The following PLG variants were observed in gnomAD, a reference collection of about 807,000 sequenced individuals.
PLG encodes the protein plasminogen.
In PLG, 41 loss-of-function variants were observed where a neutral mutation model predicts 104.4. The observed-to-expected ratio is 0.39, with a 90% CI of 0.31 to 0.51. The LOEUF (loss-of-function observed/expected upper bound fraction) is 0.51. Ranked by LOEUF, PLG falls within the 20% of genes least tolerant of loss-of-function variation. The probability of loss-of-function intolerance (pLI) is 0.76; values close to 1 mark genes in which losing one functional copy is unlikely to be tolerated. For missense variants in PLG, 891 were observed against 1,003.6 expected, an observed-to-expected ratio of 0.89 and a Z score of 1.52; for synonymous variants, 337 against 357.1, an observed-to-expected ratio of 0.94 and a Z score of 0.63.
intron 1 of PLG, among the ~76,000 whole-genome samples, chr6:160,703,558 G>A (rs1056161533): frequency 6.6e-5 from 10 of 152,138 alleles, no homozygotes; most frequent in Admixed American, 3.3e-4. Context: ...AATAATGTAC[G>A]CTTGAAATTC....
At chr6:160,707,861 C>T (rs1777559871) in intron 3 of PLG, 55 bp downstream of exon 3, 5 of 1,162,424 alleles carry the variant, frequency 4.3e-6, no homozygotes, top group Non-Finnish European at 6.5e-6. Context: ...TCCCACTCTT[C>T]CTCTTTCTCT....
Position 160,726,102 on chromosome 6 carries a change from G to C in PLG, c.1256+3535G>C, listed in dbSNP as rs1778890355. On this transcript the variant is annotated intron_variant, in intron 10 of 18. Coordinates refer to ENST00000308192, the MANE Select transcript of PLG (RefSeq NM_000301.5). The surrounding 1 kb of genome is among the most constrained non-coding windows in gnomAD (Gnocchi z 4.4). ...TCAGAAAGAATATATATGTTTTAAA[G>C]GAAATTGTCAACCTATTTAACACTA... 6.6e-6 allele frequency among the ~76,000 whole-genome samples: 1 copy of C among 152,024 alleles called. No homozygotes were observed. The highest frequency in any genetic ancestry group is 2.4e-5 in the African/African-American group (1 of 41,418).
chr6:160,712,878 A>C (rs1777668210), intron 4 of PLG, 108 bp from the exon 5 acceptor site: 4 of 864,348 alleles, frequency 4.6e-6, no homozygotes, highest in Non-Finnish European at 7.8e-6. Flanking sequence ...GCTGAAATGC[A>C]TTTGGATGAC....
chr6:160,710,897 C>A (rs566112387), intron 3 of PLG, among the ~76,000 whole-genome samples, 180 bp from the exon 4 acceptor site: 1 of 152,310 alleles, frequency 6.6e-6, no homozygotes, highest in African/African-American at 2.4e-5. Flanking sequence ...CATTTGAATA[C>A]ATGAATCAAA....
chr6:160,731,508 C>T lies in PLG; in HGVS notation c.1439-237C>T, dbSNP rs1036949643. Among the ~76,000 whole-genome samples, 1 of 152,156 alleles carries T rather than the reference C, an allele frequency of 6.6e-6. No homozygotes were observed. Among genetic ancestry groups the T allele is most frequent in the African/African-American group, 2.4e-5 (1 of 41,422 alleles). ...GTTCTAAAATGGGTTATCTCAGTAT[C>T]CCAGTCCAAATTCGTATTCTATCAT... On this transcript the variant is annotated intron_variant, in intron 11 of 18. Coordinates refer to ENST00000308192, the MANE Select transcript of PLG (RefSeq NM_000301.5). The surrounding 1 kb of genome is among the most constrained non-coding windows in gnomAD (Gnocchi z 5.1).
Position 160,732,873 on chromosome 6 carries a change from T to G in PLG, c.1587+980T>G, listed in dbSNP as rs1386796250. On this transcript the variant is annotated intron_variant, in intron 12 of 18. Coordinates refer to ENST00000308192, the MANE Select transcript of PLG (RefSeq NM_000301.5). The surrounding 1 kb of genome is among the most constrained non-coding windows in gnomAD (Gnocchi z 4.5). ...ACCCAGAAGCTCTCCAAGTGCAGTC[T>G]TGCTGGGTTTTTATGGAGGCTTCAT... Among the ~76,000 whole-genome samples the G allele has an allele frequency of 6.6e-6, 1 of 152,142 alleles. No individual in the cohort carries two copies. Among genetic ancestry groups the G allele is most frequent in the Non-Finnish European group, 1.5e-5 (1 of 68,034 alleles).
intron 10 of PLG, chr6:160,730,823 C>A: frequency 2.1e-6 from 1 of 468,620 alleles, no homozygotes; most frequent in Non-Finnish European, 3.9e-6. Flanking sequence ...TTATATGGAG[C>A]ATATACTACT....
At position 160,724,332 on chromosome 6, in the gene PLG, T is replaced by C. The variant is rs1340172633; in HGVS notation, c.1256+1765T>C. 6.6e-6 allele frequency among the ~76,000 whole-genome samples: 1 copy of C among 152,170 alleles called. No individual in the cohort carries two copies. Among genetic ancestry groups the C allele is most frequent in the African/African-American group, 2.4e-5 (1 of 41,470 alleles). On this transcript the variant is annotated intron_variant, in intron 10 of 18. Coordinates refer to ENST00000308192, the MANE Select transcript of PLG (RefSeq NM_000301.5). The surrounding 1 kb of genome is among the most constrained non-coding windows in gnomAD (Gnocchi z 5.0). ...AAAAGTGCATGTTTAATGAAAAATGTACTGGCTACCCTTACCATCAGGTTA... is the reference window on the plus strand; with the variant it reads ...AAAAGTGCATGTTTAATGAAAAATGCACTGGCTACCCTTACCATCAGGTTA...
chr6:160,747,866 A>T (rs1282261635), intron 17 of PLG, among the ~76,000 whole-genome samples: 2 of 152,206 alleles, frequency 1.3e-5, no homozygotes, highest in Non-Finnish European at 2.9e-5. Flanking sequence ...TTAAAAATTT[A>T]AATGCTGCAA....
chr6:160,718,559 A>C (rs1777782030), intron 8 of PLG, 103 bp downstream of exon 8: 2 of 1,351,598 alleles, frequency 1.5e-6, no homozygotes, highest in Admixed American at 1.7e-5. Context: ...GTATTCTGGA[A>C]GAAAAACTGA....
At position 160,706,524 on chromosome 6, in the gene PLG, A is replaced by G; in HGVS notation, c.167A>G (p.Asp56Gly). ...IEECAAKCEE[D>G]EEFTCRAFQY... ...GAATGTGCAGCAAAATGTGAGGAGGACGAAGAATTCACCTGCAGGTATTTC... is the reference window on the plus strand; with the variant it reads ...GAATGTGCAGCAAAATGTGAGGAGGGCGAAGAATTCACCTGCAGGTATTTC... The change falls in exon 2 of 19, where the codon GAC (aspartate) becomes GGC (glycine). Residue 56 changes from aspartate to glycine, a missense_variant. Transcript: ENST00000308192. 1 of 1,613,874 alleles carries G rather than the reference A, an allele frequency of 6.2e-7. No individual in the cohort carries two copies. Among genetic ancestry groups the G allele is most frequent in the Non-Finnish European group, 8.5e-7 (1 of 1,179,808 alleles).
rs1778188758 is a variant in PLG at position 160,741,249 on chromosome 6, G to A, written c.2019-62G>A. 2 of 1,151,138 alleles carry A rather than the reference G, an allele frequency of 1.7e-6. No homozygotes were observed. The highest frequency in any genetic ancestry group is 2.6e-6 in the Non-Finnish European group (2 of 758,596). The allele number at this position is 1,151,138 out of a possible 1,614,324, so 71.3% of individuals were successfully genotyped here. On this transcript the variant is annotated intron_variant, in intron 16 of 18. Transcript: ENST00000308192. The surrounding 1 kb of genome is among the most constrained non-coding windows in gnomAD (Gnocchi z 4.7). ...TGGGGCCTCAAGACAGGGATGACTG[G>A]TTGTGGGTACTGCAGCTGCGAGCAG...
intron 6 of PLG, 54 bp downstream of exon 6, chr6:160,714,968 T>G: frequency 1.3e-6 from 2 of 1,564,494 alleles, no homozygotes; most frequent in Non-Finnish European, 1.8e-6. Context: ...TGCAGCTCTA[T>G]CAGACATTTG....
At chr6:160,751,374 C>T (rs1440513460) in intron 17 of PLG, among the ~76,000 whole-genome samples, 1 of 152,132 alleles carries the variant, frequency 6.6e-6, no homozygotes, top group Non-Finnish European at 1.5e-5. Context: ...AACAGTAGAA[C>T]AGAAATGATA....
Position 160,726,441 on chromosome 6 carries a change from T to C in PLG, c.1256+3874T>C, listed in dbSNP as rs1384546669. Among the ~76,000 whole-genome samples the C allele has an allele frequency of 6.6e-6, 1 of 152,090 alleles. No individual in the cohort carries two copies. Among genetic ancestry groups the C allele is most frequent in the Admixed American group, 6.5e-5 (1 of 15,278 alleles). ...GATGCAGCGAATGTTTTTAGGGTTT[T>C]ATAACTTTAAATGCTTTCAGTAGAA... On this transcript the variant is annotated intron_variant, in intron 10 of 18. Transcript: ENST00000308192. The surrounding 1 kb of genome is among the most constrained non-coding windows in gnomAD (Gnocchi z 4.4).
At chr6:160,711,330 G>C in intron 4 of PLG, 139 bp downstream of exon 4, 1 of 807,560 alleles carries the variant, frequency 1.2e-6, no homozygotes, top group East Asian at 2.7e-5. Context: ...TGCAGTATTT[G>C]CATATAACCT....
At chr6:160,702,598 C>T (rs913311467) in intron 1 of PLG, among the ~76,000 whole-genome samples, 3 of 152,112 alleles carry the variant, frequency 2.0e-5, no homozygotes, top group Non-Finnish European at 2.9e-5. Context: ...TAAATGAGTG[C>T]ACCCACATAA....
chr6:160,739,760 C>CA lies in PLG; in HGVS notation c.2018+563dup, dbSNP rs1307343769. Among the ~76,000 whole-genome samples, 9,388 of 99,856 alleles carry CA rather than the reference C, an allele frequency of 0.094. 798 individuals carry two copies. Among genetic ancestry groups the CA allele is most frequent in the Middle Eastern group, 0.33 (67 of 204 alleles). The allele number at this position is 99,856 out of a possible 152,430, so 65.5% of individuals were successfully genotyped here. A position where few individuals can be genotyped will look rare whatever the true frequency, so the allele number is the denominator to read the frequency against. ...TGGGCGACAGAGTAAGACACTGTAC[C>CA]AAAAAAAAAAACACCAAAAAAACAA... On this transcript the variant is annotated intron_variant, in intron 16 of 18. Transcript: ENST00000308192. This position sits in a 1 kb window ranked among gnomAD's most constrained non-coding sequence, Gnocchi z 4.4.
chr6:160,750,727 A>C (rs530036020), intron 17 of PLG, among the ~76,000 whole-genome samples: 88 of 152,204 alleles, frequency 5.8e-4, no homozygotes, highest in Non-Finnish European at 9.3e-4. Context: ...ATGCAGTCGA[A>C]GGCTTTGGGG....
Sources: allele counts gnomAD v4.1 joint callset (sites outside exome capture counted in the v4.1 genomes callset), GRCh38; gene constraint gnomAD v4.1.1; non-coding constraint Gnocchi (gnomAD v3.1); transcripts MANE v1.5; gene names NCBI Gene and HGNC (gene_info 2026-07-23, HGNC 2026-07-21).